Variants in MCHR2 observed in about 807,000 individuals in gnomAD.
MCHR2 encodes the protein melanin-concentrating hormone receptor 2.
Under a neutral mutation model 24.8 loss-of-function variants are expected in MCHR2, and 15 were observed. That is an observed-to-expected ratio of 0.60 (90% CI 0.40 to 0.93). The LOEUF is 0.93. Ranked by LOEUF, MCHR2 falls within the 40% of genes least tolerant of loss-of-function variation. MCHR2 has a pLI of 0.00. For synonymous variants in MCHR2, 151 were observed against 147.6 expected, an observed-to-expected ratio of 1.02 and a Z score of -0.17; for missense variants, 386 against 408.7, an observed-to-expected ratio of 0.94 and a Z score of 0.48.
intron 1 of MCHR2, among the ~76,000 whole-genome samples, chr6:99,990,005 G>A (rs1386495986): frequency 6.6e-6 from 1 of 151,706 alleles, no homozygotes; most frequent in Non-Finnish European, 1.5e-5. Context: ...ACATTTCTAA[G>A]ATTAAAAGGC....
At chr6:99,928,162 C>G (rs1209166754) in intron 5 of MCHR2, among the ~76,000 whole-genome samples, 14 of 152,112 alleles carry the variant, frequency 9.2e-5, no homozygotes, top group Non-Finnish European at 1.8e-4. Flanking sequence ...TATATTGAAC[C>G]AGCCTTGCAT....
chr6:99,970,768 C>T (rs1775395324), intron 1 of MCHR2, among the ~76,000 whole-genome samples: 1 of 152,140 alleles, frequency 6.6e-6, no homozygotes, highest in Non-Finnish European at 1.5e-5. Context: ...CCAGTTTCAG[C>T]TTTCTACATA....
At chr6:99,931,879 G>C (rs1370856638) in intron 5 of MCHR2, among the ~76,000 whole-genome samples, 2 of 152,158 alleles carry the variant, frequency 1.3e-5, no homozygotes, top group Non-Finnish European at 2.9e-5. Flanking sequence ...TCCCTAGTGA[G>C]ATGGACCCGG....
chr6:99,966,962 T>C (rs760345186), intron 1 of MCHR2, among the ~76,000 whole-genome samples: 38 of 152,172 alleles, frequency 2.5e-4, no homozygotes, highest in Admixed American at 2.6e-4. Context: ...TGTCTCTCCA[T>C]CTGTGCTCAT....
At chr6:99,949,729 T>C (rs966266853) in intron 2 of MCHR2, among the ~76,000 whole-genome samples, 1 of 152,072 alleles carries the variant, frequency 6.6e-6, no homozygotes, top group African/African-American at 2.4e-5. Context: ...CTCAGGAGCT[T>C]GGTGCCTCAC....
intron 1 of MCHR2, among the ~76,000 whole-genome samples, chr6:99,971,432 A>G (rs7745530): frequency 0.99 from 149,682 of 151,730 alleles, 73,852 homozygotes; most frequent in Middle Eastern, 1. Flanking sequence ...TTTTGCTGAA[A>G]TTGCTTATCA....
At chr6:99,945,885 C>T (rs13195863) in intron 3 of MCHR2, among the ~76,000 whole-genome samples, 1 of 151,930 alleles carries the variant, frequency 6.6e-6, no homozygotes, top group African/African-American at 2.4e-5. Flanking sequence ...GATACCACGC[C>T]TGCATGTGTG....
At chr6:99,934,766 G>A (rs1243334472) in intron 4 of MCHR2, among the ~76,000 whole-genome samples, 3 of 152,088 alleles carry the variant, frequency 2.0e-5, no homozygotes, top group East Asian at 1.9e-4. Context: ...TGTAGAATAA[G>A]TGAGGCTACC....
At chr6:99,925,701 A>T (rs1414635904) in intron 5 of MCHR2, among the ~76,000 whole-genome samples, 1 of 151,950 alleles carries the variant, frequency 6.6e-6, no homozygotes, top group Non-Finnish European at 1.5e-5. Flanking sequence ...CTACACCTTA[A>T]CTTTGTACCC....
chr6:99,957,892 T>G (rs1775097035), intron 1 of MCHR2, among the ~76,000 whole-genome samples: 1 of 152,094 alleles, frequency 6.6e-6, no homozygotes, highest in Non-Finnish European at 1.5e-5. Context: ...GAAGACTCAT[T>G]AATCTATAGA....
At chr6:99,926,254 T>C (rs905519229) in intron 5 of MCHR2, among the ~76,000 whole-genome samples, 11 of 152,192 alleles carry the variant, frequency 7.2e-5, no homozygotes, top group African/African-American at 2.7e-4. Flanking sequence ...TTTGGGTTGG[T>C]TCCAAGTCTT....
chr6:99,932,257 A>T (rs1774561810), intron 5 of MCHR2, among the ~76,000 whole-genome samples: 1 of 152,234 alleles, frequency 6.6e-6, no homozygotes, highest in Non-Finnish European at 1.5e-5. Flanking sequence ...GCATTAAATT[A>T]TGACTCAATG....
chr6:99,978,999 C>T (rs1013585507), intron 1 of MCHR2, among the ~76,000 whole-genome samples: 3 of 152,068 alleles, frequency 2.0e-5, no homozygotes, highest in Non-Finnish European at 4.4e-5. Context: ...GTGCAGGTTG[C>T]GTACTGCTCA....
At position 99,943,031 on chromosome 6, in the gene MCHR2, A is replaced by G; in HGVS notation, c.505T>C (p.Trp169Arg). The change falls in exon 4 of 6, where the codon TGG (tryptophan) becomes CGG (arginine). Residue 169 changes from tryptophan to arginine, a missense_variant. Trp to Arg is a moderately radical substitution (Grantham distance 101). Transcript: ENST00000281806. ...AASFILALPV[W>R]VYSKVIKFKD... is the part of the protein sequence containing the mutation. ...AATTTGATGACCTTCGAGTAGACCC[A>G]GACAGGCAATGCCAGGATAAAGGAA... 1 of 1,613,286 alleles carries G rather than the reference A, an allele frequency of 6.2e-7. No homozygotes were observed. Among genetic ancestry groups the G allele is most frequent in the Non-Finnish European group, 8.5e-7 (1 of 1,179,430 alleles).
In MCHR2 at chr6:99,956,116, G is replaced by A. The variant is rs199894853; in HGVS notation, c.32C>T (p.Thr11Ile). ...GGATTTGTTTAAAAGTTCGGCAGAG[G>A]TGTTCCAACAAGATGCATGAAATGG... MNPFHASCWN[T>I]SAELLNKSWN... Residue 11 changes from threonine to isoleucine, a missense_variant, in exon 2 of 6, where the codon ACC (threonine) becomes ATC (isoleucine). By Grantham distance (89) the Thr-to-Ile change is moderately conservative (BLOSUM62 -1). Transcript: ENST00000281806. 1.2e-5 allele frequency: 20 copies of A among 1,612,718 alleles called. No individual in the cohort carries two copies. In the South Asian group the frequency reaches 2.2e-4, roughly 18 times the overall value.
chr6:99,946,986 T>C (rs929499395), intron 3 of MCHR2, among the ~76,000 whole-genome samples: 5 of 152,098 alleles, frequency 3.3e-5, no homozygotes, highest in Admixed American at 6.6e-5. Context: ...AGTGAGGCAG[T>C]TACAACTATC....
intron 1 of MCHR2, among the ~76,000 whole-genome samples, chr6:99,983,540 A>G (rs896142027): frequency 6.6e-6 from 1 of 152,172 alleles, no homozygotes; most frequent in Non-Finnish European, 1.5e-5. Flanking sequence ...CGTCACACTC[A>G]AGCTTTTGAC....
Position 99,920,811 on chromosome 6 carries a change from C to T in MCHR2, c.*129G>A. On this transcript the variant is annotated 3_prime_UTR_variant, in exon 6 of 6. Transcript: ENST00000281806. ...ATTGTATTTGCATGGTTACACTTCT[C>T]TTCCATGCTGCTAAGAGTCACAAGT... 1.1e-6 allele frequency: 1 copy of T among 887,110 alleles called. No individual in the cohort carries two copies. The highest frequency in any genetic ancestry group is 2.4e-5 in the Admixed American group (1 of 41,298). The allele number at this position is 887,110 out of a possible 1,614,324, so 55.0% of individuals were successfully genotyped here.
Position 99,934,375 on chromosome 6 carries a change from A to C in MCHR2, c.707+23T>G, listed in dbSNP as rs779148484. On this transcript the variant is annotated intron_variant, in intron 5 of 5. Coordinates refer to ENST00000281806, the MANE Select transcript of MCHR2 (RefSeq NM_001040179.2). ...GGCTATCTAAATTGTTCTTTTAACA[A>C]ATAAAACAAGGCAAACACTTACCAT... The C allele has an allele frequency of 2.1e-5, 32 of 1,546,680 alleles. 1 individual carries two copies. The Admixed American group carries it at 7.1e-4, about 34-fold the overall frequency.
Sources: allele counts gnomAD v4.1 joint callset (sites outside exome capture counted in the v4.1 genomes callset), GRCh38; gene constraint gnomAD v4.1.1; transcripts MANE v1.5; gene names NCBI Gene and HGNC (gene_info 2026-07-23, HGNC 2026-07-21).